SNX27: variants seen among roughly 807,000 people sequenced by gnomAD.
SNX27 encodes the protein sorting nexin 27, also known as sorting nexin-27.
A neutral mutation model predicts 71.6 loss-of-function variants in SNX27; 22 were observed. The observed-to-expected ratio is 0.31, with a 90% CI of 0.22 to 0.44. SNX27 has a LOEUF of 0.44. SNX27 is among the 20% of genes least tolerant of loss of function. The pLI, the probability that SNX27 is intolerant of heterozygous loss-of-function variation, is 1.00. For synonymous variants in SNX27, 269 were observed against 277.2 expected (o/e 0.97, Z 0.29); for missense variants, 531 against 698.6 (o/e 0.76, Z 2.70).
chr1:151,659,704 G>T (rs1015001802), intron 3 of SNX27: 1 of 152,332 alleles, frequency 6.6e-6, no homozygotes, highest in South Asian at 2.1e-4. Flanking sequence ...TGATACATCA[G>T]GAGTCTGTGG....
At chr1:151,686,910 C>T (rs552734355) in intron 8 of SNX27, among the ~76,000 whole-genome samples, 1 of 152,324 alleles carries the variant, frequency 6.6e-6, no homozygotes, top group South Asian at 2.1e-4. Context: ...ACAAAATACA[C>T]CAAGATTCTT....
chr1:151,684,074 T>C (rs1221623902), intron 8 of SNX27, among the ~76,000 whole-genome samples: 1 of 152,170 alleles, frequency 6.6e-6, no homozygotes, highest in Non-Finnish European at 1.5e-5. Context: ...AGACCTGATA[T>C]TTAGCTTTTT....
intron 7 of SNX27, among the ~76,000 whole-genome samples, chr1:151,680,997 T>C (rs1014499851): frequency 6.6e-6 from 1 of 152,150 alleles, no homozygotes; most frequent in African/African-American, 2.4e-5. Flanking sequence ...GCATAATCTT[T>C]CTATTAGTCA....
At chr1:151,621,741 T>C (rs1277848035) in intron 1 of SNX27, among the ~76,000 whole-genome samples, 1 of 152,232 alleles carries the variant, frequency 6.6e-6, no homozygotes, top group African/African-American at 2.4e-5. Flanking sequence ...TTTATTTATA[T>C]TTATTTATTA....
chr1:151,644,907 T>C (rs1490538923), intron 2 of SNX27, among the ~76,000 whole-genome samples: 1 of 152,150 alleles, frequency 6.6e-6, no homozygotes, highest in Non-Finnish European at 1.5e-5. Flanking sequence ...CAAGCGATTC[T>C]CCTGCCTCAG....
chr1:151,628,264 A>G (rs574175825), intron 1 of SNX27, among the ~76,000 whole-genome samples: 202 of 152,028 alleles, frequency 1.3e-3, no homozygotes, highest in African/African-American at 4.8e-3. Context: ...ATCTTCGCCT[A>G]CCTAAGTACT....
intron 1 of SNX27, among the ~76,000 whole-genome samples, chr1:151,626,144 A>T (rs1156792002): frequency 3.0e-4 from 45 of 151,994 alleles, no homozygotes; most frequent in Non-Finnish European, 1.5e-5. Flanking sequence ...AATAAAAAAT[A>T]AAATTAAAAA....
rs567208173 is a variant in SNX27 at position 151,612,258 on chromosome 1, T to TGGCGGC, written c.66_71dup (p.Gly24_Gly25dup). 17 of 1,440,352 alleles carry TGGCGGC rather than the reference T, an allele frequency of 1.2e-5. No homozygotes were observed. Among genetic ancestry groups the TGGCGGC allele is most frequent in the Admixed American group, 3.0e-5 (1 of 32,842 alleles). 89.2% of individuals were successfully genotyped at this position (1,440,352 alleles called of 1,614,324 possible). A position where few individuals can be genotyped will look rare whatever the true frequency, so the allele number is the denominator to read the frequency against. ...CCTCAGCCCCTCACAGGAACGGAGG[T>TGGCGGC]GGCGGCGGCGGCGGGGGGTCTGGGC... is the stretch of plus-strand genomic sequence containing the variant. On this transcript the variant is annotated inframe_insertion, in exon 1 of 12. Transcript: ENST00000458013. This position sits in a 1 kb window ranked among gnomAD's most constrained non-coding sequence, Gnocchi z 5.2.
At chr1:151,686,365 C>T (rs186343946) in intron 8 of SNX27, among the ~76,000 whole-genome samples, 9 of 152,302 alleles carry the variant, frequency 5.9e-5, no homozygotes, top group Non-Finnish European at 4.4e-5. Flanking sequence ...TTAATAAACA[C>T]AGTAATCTAT....
intron 1 of SNX27, among the ~76,000 whole-genome samples, chr1:151,626,166 A>G (rs960272917): frequency 1.3e-5 from 2 of 151,954 alleles, no homozygotes; most frequent in African/African-American, 4.8e-5. Flanking sequence ...GATTGAATCA[A>G]TCTTTCCATA....
rs1211269087 is a variant in SNX27 at position 151,695,591 on chromosome 1, TC to T, written c.*1175del. 2.0e-5 allele frequency: 3 copies of T among 151,750 alleles called. No individual in the cohort carries two copies. The highest frequency in any genetic ancestry group is 7.3e-5 in the African/African-American group (3 of 41,250). 9.4% of individuals were successfully genotyped at this position (151,750 alleles called of 1,614,324 possible). A position where few individuals can be genotyped will look rare whatever the true frequency, so the allele number is the denominator to read the frequency against. On this transcript the variant is annotated 3_prime_UTR_variant, in exon 12 of 12. Coordinates refer to ENST00000458013, the MANE Select transcript of SNX27 (RefSeq NM_001330723.2). The stretch of plus-strand genomic sequence containing the variant: ...TGCACCACCACACCTGGCTAATTCT[TC>T]TTAAAATTTTTTTGTAGAGACAGGG...
At chr1:151,658,173 A>G (rs1474218766) in intron 2 of SNX27, 62 bp from the exon 3 acceptor site, 3 of 1,460,558 alleles carry the variant, frequency 2.1e-6, no homozygotes, top group Non-Finnish European at 2.8e-6. Flanking sequence ...AAGCCTGACT[A>G]GATGATTTTG....
At chr1:151,643,020 A>G (rs1030755142) in intron 2 of SNX27, among the ~76,000 whole-genome samples, 14 of 151,592 alleles carry the variant, frequency 9.2e-5, no homozygotes, top group Non-Finnish European at 1.8e-4. Context: ...TTGGAGTGCA[A>G]CGGCGTGATC....
intron 1 of SNX27, among the ~76,000 whole-genome samples, chr1:151,618,710 A>T (rs550950884): frequency 6.6e-6 from 1 of 152,320 alleles, no homozygotes; most frequent in South Asian, 2.1e-4. Flanking sequence ...ACAATTTATG[A>T]TCACTGCTCA....
At chr1:151,628,326 C>T (rs562554601) in intron 1 of SNX27, among the ~76,000 whole-genome samples, 1 of 152,230 alleles carries the variant, frequency 6.6e-6, no homozygotes, top group Non-Finnish European at 1.5e-5. Flanking sequence ...CTTAATAGCT[C>T]ATTTCTTCTT....
rs928396539 is a variant in SNX27 at position 151,612,631 on chromosome 1, C to T, written c.311+119C>T. 10 of 803,176 alleles carry T rather than the reference C, an allele frequency of 1.2e-5. No homozygotes were observed. The highest frequency in any genetic ancestry group is 4.3e-5 in the Admixed American group (1 of 23,110). 49.8% of individuals were successfully genotyped at this position (803,176 alleles called of 1,614,324 possible). On this transcript the variant is annotated intron_variant, in intron 1 of 11. Transcript: ENST00000458013. This position sits in a 1 kb window ranked among gnomAD's most constrained non-coding sequence, Gnocchi z 5.2. ...CCCGAGCTCCGAGCCGGCCTCCGGA[C>T]CCCCGCCCCTCAGGCCTCCGCAGCC...
intron 1 of SNX27, among the ~76,000 whole-genome samples, chr1:151,616,596 T>C (rs1465433411): frequency 1.3e-5 from 2 of 152,364 alleles, no homozygotes; most frequent in East Asian, 3.9e-4. Context: ...TTAAAGAGGC[T>C]GGTGCCACAA....
At chr1:151,642,884 C>G (rs1416751399) in intron 2 of SNX27, among the ~76,000 whole-genome samples, 1 of 152,184 alleles carries the variant, frequency 6.6e-6, no homozygotes, top group Non-Finnish European at 1.5e-5. Context: ...TTGTGGTCCA[C>G]CCGCCTCGGC....
chr1:151,613,772 A>G (rs1558029601), intron 1 of SNX27, among the ~76,000 whole-genome samples: 1 of 152,026 alleles, frequency 6.6e-6, no homozygotes, highest in African/African-American at 2.4e-5. Flanking sequence ...AAATTCGGAT[A>G]GTGATTGCCG....
Sources: allele counts gnomAD v4.1 joint callset (sites outside exome capture counted in the v4.1 genomes callset), GRCh38; gene constraint gnomAD v4.1.1; non-coding constraint Gnocchi (gnomAD v3.1); transcripts MANE v1.5; gene names NCBI Gene and HGNC (gene_info 2026-07-23, HGNC 2026-07-21).